The following GRID1 variants were observed in gnomAD, a reference collection of about 807,000 sequenced individuals.
GRID1 encodes the protein glutamate ionotropic receptor delta type subunit 1.
GRID1 carries 28 observed loss-of-function variants against 98.0 expected under a neutral mutation model. That is an observed-to-expected ratio of 0.29 (90% CI 0.21 to 0.39). GRID1 has a LOEUF of 0.39. Ranked by LOEUF, GRID1 falls within the 10% of genes least tolerant of loss-of-function variation. GRID1 has a pLI of 1.00. For synonymous variants in GRID1, 553 were observed against 538.5 expected, an observed-to-expected ratio of 1.03 and a Z score of -0.37; for missense variants, 1,111 against 1,340.5, an observed-to-expected ratio of 0.83 and a Z score of 2.67.
intron 5 of GRID1, among the ~76,000 whole-genome samples, chr10:85,895,016 A>AAATATATAT (rs766551035): frequency 4.1e-5 from 4 of 97,112 alleles, no homozygotes; most frequent in African/African-American, 1.6e-4. Context: ...AAAAAAAAAA[A>AAATATATAT]ATATATATAT....
At chr10:85,698,162 A>T (rs1216346122) in intron 12 of GRID1, among the ~76,000 whole-genome samples, 1 of 152,222 alleles carries the variant, frequency 6.6e-6, no homozygotes, top group African/African-American at 2.4e-5. Context: ...GCTGTCAAAA[A>T]ACCAAGGATG....
intron 2 of GRID1, among the ~76,000 whole-genome samples, chr10:86,224,853 C>G (rs554161414): frequency 6.6e-6 from 1 of 152,172 alleles, no homozygotes; most frequent in African/African-American, 2.4e-5. Flanking sequence ...TGAGATTTTC[C>G]CACCCTCGCA....
At chr10:85,734,771 C>A (rs1471990502) in intron 8 of GRID1, among the ~76,000 whole-genome samples, 1 of 152,162 alleles carries the variant, frequency 6.6e-6, no homozygotes, top group East Asian at 1.9e-4. Context: ...GAGTGGTAAA[C>A]CTCCATCATT....
At chr10:86,351,964 G>C (rs1013327581) in intron 2 of GRID1, among the ~76,000 whole-genome samples, 11 of 152,182 alleles carry the variant, frequency 7.2e-5, no homozygotes, top group African/African-American at 2.7e-4. Flanking sequence ...TGTGAATTAC[G>C]TCCCTTGTTT....
intron 2 of GRID1, among the ~76,000 whole-genome samples, chr10:86,269,845 A>G (rs1466620299): frequency 6.6e-6 from 1 of 152,128 alleles, no homozygotes; most frequent in East Asian, 1.9e-4. Context: ...GGTGTACTCC[A>G]TGGAAACCCT....
At chr10:85,989,386 C>T (rs1842650842) in intron 4 of GRID1, among the ~76,000 whole-genome samples, 1 of 152,006 alleles carries the variant, frequency 6.6e-6, no homozygotes, top group Admixed American at 6.6e-5. Context: ...CAGGGGTCCA[C>T]CCACTGGCCA....
chr10:85,599,720 T>G lies in GRID1; in HGVS notation c.*2553A>C, dbSNP rs1476713995. ...TGACACAGAAATCTGAGTTGGGAAG[T>G]TTTTTTTTTTCCTAGAGAACTTGCT... On this transcript the variant is annotated 3_prime_UTR_variant, in exon 16 of 16. Transcript: ENST00000327946. 7.3e-6 allele frequency: 1 copy of G among 137,688 alleles called. No homozygotes were observed. Among genetic ancestry groups the G allele is most frequent in the Non-Finnish European group, 1.6e-5 (1 of 64,074 alleles). The allele number at this position is 137,688 out of a possible 1,614,324, so 8.5% of individuals were successfully genotyped here.
intron 4 of GRID1, among the ~76,000 whole-genome samples, chr10:85,934,009 C>G (rs957208627): frequency 6.6e-6 from 1 of 152,102 alleles, no homozygotes; most frequent in African/African-American, 2.4e-5. Context: ...TTCCTAGGTA[C>G]CCTGTCCTCA....
At chr10:85,772,670 T>A (rs1842284497) in intron 8 of GRID1, among the ~76,000 whole-genome samples, 1 of 152,176 alleles carries the variant, frequency 6.6e-6, no homozygotes, top group Non-Finnish European at 1.5e-5. Context: ...AAATACAAAC[T>A]ACCATCAGAG....
At chr10:85,922,406 C>A (rs1372265805) in intron 4 of GRID1, among the ~76,000 whole-genome samples, 2 of 152,234 alleles carry the variant, frequency 1.3e-5, no homozygotes, top group African/African-American at 4.8e-5. Context: ...ATTTATTTTA[C>A]AAAGTGCAAA....
chr10:86,190,144 G>A (rs1299499223), intron 3 of GRID1, among the ~76,000 whole-genome samples: 3 of 151,958 alleles, frequency 2.0e-5, no homozygotes, highest in African/African-American at 7.3e-5. Context: ...CCATCTAGTC[G>A]CCCACCCCCA....
chr10:86,342,672 A>G (rs1371101228), intron 2 of GRID1, among the ~76,000 whole-genome samples: 1 of 152,160 alleles, frequency 6.6e-6, no homozygotes, highest in African/African-American at 2.4e-5. Context: ...AGGAAGCCCT[A>G]GGGAGCCCAC....
intron 4 of GRID1, among the ~76,000 whole-genome samples, chr10:86,004,505 T>G (rs1393037798): frequency 6.6e-6 from 1 of 152,202 alleles, no homozygotes; most frequent in Non-Finnish European, 1.5e-5. Flanking sequence ...CTCCATGATG[T>G]GAGTGGGCCT....
chr10:85,998,669 C>T (rs1434392703), intron 4 of GRID1, among the ~76,000 whole-genome samples: 4 of 151,882 alleles, frequency 2.6e-5, no homozygotes, highest in Non-Finnish European at 5.9e-5. Flanking sequence ...AAATTAAAAA[C>T]CTAAAAACAA....
chr10:85,623,723 T>C (rs1379008709), intron 13 of GRID1, among the ~76,000 whole-genome samples: 3 of 152,230 alleles, frequency 2.0e-5, no homozygotes, highest in African/African-American at 4.8e-5. Flanking sequence ...TAGCCTCTAG[T>C]TCTATCAGGA....
rs376467393 is a variant in GRID1 at position 86,181,870 on chromosome 10, T to G, written c.520+24494A>C. ...TCTCCTATGCCAGGCTATAGCTCCA[T>G]GAGGGCAGGAACGTTGACCCCCTCA... is the stretch of plus-strand genomic sequence containing the variant. On this transcript the variant is annotated intron_variant, in intron 3 of 15. Coordinates refer to ENST00000327946, the MANE Select transcript of GRID1 (RefSeq NM_017551.3). Among the ~76,000 whole-genome samples the G allele has an allele frequency of 3.3e-5, 5 of 152,274 alleles. No individual in the cohort carries two copies. The East Asian group carries it at 7.7e-4, about 24-fold the overall frequency.
chr10:86,170,084 C>A (rs1319238835), intron 3 of GRID1, among the ~76,000 whole-genome samples: 1 of 152,222 alleles, frequency 6.6e-6, no homozygotes, highest in Non-Finnish European at 1.5e-5. Flanking sequence ...CAAGCCACCT[C>A]TCCCAAGAAG....
chr10:86,041,049 T>A (rs1843338550), intron 4 of GRID1, among the ~76,000 whole-genome samples: 1 of 152,166 alleles, frequency 6.6e-6, no homozygotes, highest in Non-Finnish European at 1.5e-5. Flanking sequence ...CTGATACTTG[T>A]CCTCTTTCCC....
intron 4 of GRID1, among the ~76,000 whole-genome samples, chr10:86,048,220 G>A (rs1843452271): frequency 6.6e-6 from 1 of 152,148 alleles, no homozygotes; most frequent in Non-Finnish European, 1.5e-5. Flanking sequence ...ATAGGCATAC[G>A]AAGCAGAGTA....
Sources: allele counts gnomAD v4.1 joint callset (sites outside exome capture counted in the v4.1 genomes callset), GRCh38; gene constraint gnomAD v4.1.1; transcripts MANE v1.5; gene names NCBI Gene and HGNC (gene_info 2026-07-23, HGNC 2026-07-21).